The following IL11RA variants were observed in gnomAD, a reference collection of about 807,000 sequenced individuals.
IL11RA encodes interleukin 11 receptor subunit alpha.
A neutral mutation model predicts 57.0 loss-of-function variants in IL11RA; 51 were observed. The ratio of observed to expected loss-of-function variants is 0.89; its 90% CI spans 0.71 to 1.13. IL11RA has a LOEUF of 1.13. Ranked by LOEUF, IL11RA falls within the 50% of genes most tolerant of loss-of-function variation. The probability of loss-of-function intolerance (pLI) is 0.00; values close to 1 mark genes in which losing one functional copy is unlikely to be tolerated. For missense variants in IL11RA, 498 were observed against 539.4 expected (o/e 0.92, Z 0.76); for synonymous variants, 199 against 217.5 (o/e 0.91, Z 0.75).
chr9:34,657,022 C>G lies in IL11RA; in HGVS notation c.332-13C>G, dbSNP rs773141225. On this transcript the variant is annotated splice_polypyrimidine_tract_variant and intron_variant, in intron 4 of 12. Coordinates refer to ENST00000441545, the MANE Select transcript of IL11RA (RefSeq NM_001142784.3). ...AGGACTGCTCAGTCTCCAGGTGTACCCTCTGCCTCTAGACCCTCCAGCCCG... is the reference window on the plus strand; with the variant it reads ...AGGACTGCTCAGTCTCCAGGTGTACGCTCTGCCTCTAGACCCTCCAGCCCG... 9.3e-6 allele frequency: 15 copies of G among 1,613,078 alleles called. No homozygotes were observed. Among genetic ancestry groups the G allele is most frequent in the Non-Finnish European group, 1.3e-5 (15 of 1,179,054 alleles).
intron 5 of IL11RA, 43 bp downstream of exon 5, chr9:34,657,192 G>C (rs754185847): frequency 6.2e-7 from 1 of 1,605,830 alleles, no homozygotes. Context: ...ATTTGGGTAT[G>C]CTGGTGCAAT....
At chr9:34,656,285 G>C (rs573010226) in intron 3 of IL11RA, among the ~76,000 whole-genome samples, 20 of 152,248 alleles carry the variant, frequency 1.3e-4, no homozygotes, top group African/African-American at 4.8e-4. Flanking sequence ...ACCCACCTCA[G>C]CCTCCCAAAG....
intron 1 of IL11RA, among the ~76,000 whole-genome samples, chr9:34,654,656 C>A (rs767724059): frequency 3.9e-5 from 6 of 152,186 alleles, no homozygotes; most frequent in Non-Finnish European, 8.8e-5. Context: ...CAGGTTCAGG[C>A]GAGAAGCCTG....
rs1821281223 is a variant in IL11RA, at chr9:34,653,028, C to G, written c.-1+795C>G. ...TTCCAGTTTTGCCTTTCCTTTCTCT[C>G]TGTCTCTCTCTGTGCCCCTATGCCT... is the stretch of plus-strand genomic sequence containing the variant. On this transcript the variant is annotated intron_variant, in intron 1 of 12. Coordinates refer to ENST00000441545, the MANE Select transcript of IL11RA (RefSeq NM_001142784.3). The surrounding 1 kb of genome is among the most constrained non-coding windows in gnomAD (Gnocchi z 4.5). 6.6e-6 allele frequency among the ~76,000 whole-genome samples: 1 copy of G among 152,162 alleles called. No homozygotes were observed. Among genetic ancestry groups the G allele is most frequent in the South Asian group, 2.1e-4 (1 of 4,828 alleles).
Position 34,658,369 on chromosome 9 carries a change from G to T in IL11RA, c.647-151G>T. On this transcript the variant is annotated intron_variant, in intron 7 of 12. Coordinates refer to ENST00000441545, the MANE Select transcript of IL11RA (RefSeq NM_001142784.3). The surrounding 1 kb of genome is among the most constrained non-coding windows in gnomAD (Gnocchi z 4.0). ...AGCCCATTTCATAATACAGATGACC[G>T]GTCTGAGTCTAATGGATGATCAAGT... 1 of 805,186 alleles carries T rather than the reference G, an allele frequency of 1.2e-6. No homozygotes were observed. The allele number at this position is 805,186 out of a possible 1,614,324, so 49.9% of individuals were successfully genotyped here.
chr9:34,660,749 C>A, intron 11 of IL11RA, 105 bp from the exon 12 acceptor site: 1 of 1,246,580 alleles, frequency 8.0e-7, no homozygotes, highest in Non-Finnish European at 1.2e-6. Context: ...CCATGCCCCA[C>A]TTGATTTTAA....
Position 34,659,698 on chromosome 9 carries a change from T to C in IL11RA, c.811-61T>C. ...GGGAGCAAGGGGTGCTCTTTGTAGA[T>C]GGTGGCTGGGAAGGCCCTGCACTTA... On this transcript the variant is annotated intron_variant, in intron 8 of 12. Transcript: ENST00000441545. 1.9e-6 allele frequency: 3 copies of C among 1,604,194 alleles called. No individual in the cohort carries two copies. The South Asian group carries it at 3.3e-5, about 18-fold the overall frequency.
Position 34,658,590 on chromosome 9 carries a change from C to T in IL11RA, c.717C>T (p.Ser239=), listed in dbSNP as rs1422038499. 1 of 1,614,162 alleles carries T rather than the reference C, an allele frequency of 6.2e-7. No individual in the cohort carries two copies. The highest frequency in any genetic ancestry group is 2.2e-5 in the East Asian group (1 of 44,878). The part of the protein sequence containing the change: ...VPGYPRRLRA[S]WTYPASWPCQ... ...GTTACCCCCGACGCCTGCGAGCCAG[C>T]TGGACATACCCTGCCTCCTGGCCGT... is the stretch of plus-strand genomic sequence containing the variant. Residue 239 remains serine, a synonymous_variant, in exon 8 of 13, where the codon AGC becomes AGT. Transcript: ENST00000441545. The surrounding 1 kb of genome is among the most constrained non-coding windows in gnomAD (Gnocchi z 4.0).
intron 3 of IL11RA, 130 bp from the exon 4 acceptor site, chr9:34,656,609 C>T (rs1365297456): frequency 2.0e-6 from 2 of 986,210 alleles, no homozygotes; most frequent in Non-Finnish European, 3.1e-6. Context: ...TCACAAGGGG[C>T]TTTGAAAGCC....
rs1347429860 is a variant in IL11RA at position 34,657,502 on chromosome 9, C to G, written c.561C>G (p.Phe187Leu). The G allele has an allele frequency of 2.5e-6, 4 of 1,614,222 alleles. No individual in the cohort carries two copies. The Admixed American group carries it at 6.7e-5, about 27-fold the overall frequency. Residue 187 changes from phenylalanine (F) to leucine (L), a missense_variant, in exon 7 of 13, where the codon TTC (phenylalanine) becomes TTG (leucine). Physicochemically the swap from Phe to Leu is conservative, Grantham distance 22 (BLOSUM62 0). Coordinates refer to ENST00000441545, the MANE Select transcript of IL11RA (RefSeq NM_001142784.3). ...GCTGTGTTGTCCACGGGGCTGAGTT[C>G]TGGAGCCAGTACCGGATTAATGTGA... is the stretch of plus-strand genomic sequence containing the variant. Reference protein sequence around the residue: ...AARCVVHGAEFWSQYRINVTE... With the variant: ...AARCVVHGAELWSQYRINVTE...
At chr9:34,656,986 A>G (rs756415535) in intron 4 of IL11RA, 49 bp from the exon 5 acceptor site, 1 of 1,606,472 alleles carries the variant, frequency 6.2e-7, no homozygotes, top group Non-Finnish European at 8.5e-7. Flanking sequence ...CTCTGGGACC[A>G]GGAGGACCTG....
chr9:34,658,582 C>G lies in IL11RA; in HGVS notation c.709C>G (p.Arg237Gly). The G allele has an allele frequency of 6.2e-7, 1 of 1,614,132 alleles. No individual in the cohort carries two copies. The highest frequency in any genetic ancestry group is 8.5e-7 in the Non-Finnish European group (1 of 1,180,028). Reference protein sequence around the residue: ...ESVPGYPRRLRASWTYPASWP... With the variant: ...ESVPGYPRRLGASWTYPASWP... ...AGTACCAGGTTACCCCCGACGCCTG[C>G]GAGCCAGCTGGACATACCCTGCCTC... The change falls in exon 8 of 13, where the codon CGA becomes GGA. Residue 237 changes from arginine to glycine, a missense_variant. Transcript: ENST00000441545. The surrounding 1 kb of genome is among the most constrained non-coding windows in gnomAD (Gnocchi z 4.0).
In IL11RA at chr9:34,653,453, C is replaced by T. The variant is rs1821287655; in HGVS notation, c.-1+1220C>T. ...GGGAGGGGGAACTGGACTCTTTGGC[C>T]TCTCCTTATATCCCCCAACCTGGGG... is the stretch of plus-strand genomic sequence containing the variant. On this transcript the variant is annotated intron_variant, in intron 1 of 12. Transcript: ENST00000441545. The surrounding 1 kb of genome is among the most constrained non-coding windows in gnomAD (Gnocchi z 4.5). 6.6e-6 allele frequency among the ~76,000 whole-genome samples: 1 copy of T among 152,178 alleles called. No homozygotes were observed. The highest frequency in any genetic ancestry group is 2.4e-5 in the African/African-American group (1 of 41,432).
chr9:34,657,491 G>C lies in IL11RA; in HGVS notation c.550G>C (p.Gly184Arg), dbSNP rs766157775. The C allele has an allele frequency of 5.0e-6, 8 of 1,614,214 alleles. No homozygotes were observed. The highest frequency in any genetic ancestry group is 6.8e-6 in the Non-Finnish European group (8 of 1,180,024). The stretch of plus-strand genomic sequence containing the variant: ...AGGGGCTGCCCGCTGTGTTGTCCAC[G>C]GGGCTGAGTTCTGGAGCCAGTACCG... ...PLGAARCVVH[G>R]AEFWSQYRIN... Residue 184 changes from glycine to arginine, a missense_variant, in exon 7 of 13, where the codon GGG becomes CGG. Gly to Arg is a moderately radical substitution (Grantham distance 125). Coordinates refer to ENST00000441545, the MANE Select transcript of IL11RA (RefSeq NM_001142784.3).
Position 34,659,857 on chromosome 9 carries a change from C to G in IL11RA, c.909C>G (p.Thr303=). The G allele has an allele frequency of 6.2e-7, 1 of 1,614,200 alleles. No homozygotes were observed. The highest frequency in any genetic ancestry group is 8.5e-7 in the Non-Finnish European group (1 of 1,180,022). ...CCCGGGACTTTCTAGATGCTGGCAC[C>G]TGGAGCACCTGGAGCCCGGAGGCCT... is the stretch of plus-strand genomic sequence containing the variant. ...VSARDFLDAG[T]WSTWSPEAWG... Residue 303 remains threonine (T), a synonymous_variant, in exon 9 of 13, where the codon ACC becomes ACG. Transcript: ENST00000441545.
At chr9:34,661,357 G>A (rs1564106279) in intron 12 of IL11RA, 125 bp from the exon 13 acceptor site, 3 of 1,024,902 alleles carry the variant, frequency 2.9e-6, no homozygotes, top group Non-Finnish European at 1.6e-6. Flanking sequence ...CTCCCTCAGA[G>A]CTGGGCTCCT....
chr9:34,657,364 C>G (rs752902570), intron 6 of IL11RA, 29 bp downstream of exon 6: 3 of 1,614,106 alleles, frequency 1.9e-6, no homozygotes, highest in Non-Finnish European at 2.5e-6. Flanking sequence ...TGTGGGGGCT[C>G]CAGCTGGGTC....
rs1173402329 is a variant in IL11RA, at chr9:34,655,275, G to A, written c.58G>A (p.Val20Met). 8 of 1,611,690 alleles carry A rather than the reference G, an allele frequency of 5.0e-6. No individual in the cohort carries two copies. The highest frequency in any genetic ancestry group is 5.9e-6 in the Non-Finnish European group (7 of 1,179,154). The change falls in exon 2 of 13, where the codon GTG (valine) becomes ATG (methionine). Residue 20 changes from valine (V) to methionine (M), a missense_variant. Val to Met is a conservative substitution (Grantham distance 21). Coordinates refer to ENST00000441545, the MANE Select transcript of IL11RA (RefSeq NM_001142784.3). ...CCTGGTGGCCGTGGCTACAGCCCTG[G>A]TGTCTGCCTCCTCCCCCTGCCCCCA... is the stretch of plus-strand genomic sequence containing the variant. The part of the protein sequence containing the change: ...RVLVAVATAL[V>M]SASSPCPQAW...
Position 34,656,854 on chromosome 9 carries a change from A to G in IL11RA, c.277A>G (p.Ile93Val), listed in dbSNP as rs770001332. The G allele has an allele frequency of 1.2e-6, 2 of 1,614,128 alleles. No homozygotes were observed. The highest frequency in any genetic ancestry group is 1.7e-6 in the Non-Finnish European group (2 of 1,180,016). The change falls in exon 4 of 13, where the codon ATC becomes GTC. Residue 93 changes from isoleucine to valine, a missense_variant. By Grantham distance (29) the Ile-to-Val change is conservative. Coordinates refer to ENST00000441545, the MANE Select transcript of IL11RA (RefSeq NM_001142784.3). ...AGACAGCACTGATGAGGGCACCTAC[A>G]TCTGCCAGACCCTGGATGGTGCACT... ...QADSTDEGTY[I>V]CQTLDGALGG...
Sources: allele counts gnomAD v4.1 joint callset (sites outside exome capture counted in the v4.1 genomes callset), GRCh38; gene constraint gnomAD v4.1.1; non-coding constraint Gnocchi (gnomAD v3.1); transcripts MANE v1.5; gene names NCBI Gene and HGNC (gene_info 2026-07-23, HGNC 2026-07-21).